The following LYPD6B variants were observed in gnomAD, a reference collection of about 807,000 sequenced individuals.
The protein encoded by LYPD6B is ly6/PLAUR domain-containing protein 6B.
In LYPD6B, 17 loss-of-function variants were observed where a neutral mutation model predicts 22.8. The ratio of observed to expected loss-of-function variants is 0.75; its 90% CI spans 0.51 to 1.12. LYPD6B has a LOEUF of 1.12. LYPD6B is among the 50% of genes most tolerant of loss of function. The pLI, the probability that LYPD6B is intolerant of heterozygous loss-of-function variation, is 0.00. For missense variants in LYPD6B, 221 were observed against 258.3 expected, an observed-to-expected ratio of 0.86 and a Z score of 0.99; for synonymous variants, 106 against 91.6, an observed-to-expected ratio of 1.16 and a Z score of -0.90.
intron 1 of LYPD6B, among the ~76,000 whole-genome samples, chr2:149,120,464 G>A (rs1210843552): frequency 7.3e-6 from 1 of 137,158 alleles, no homozygotes; most frequent in African/African-American, 2.7e-5. Context: ...CTCACTGCAA[G>A]CTTCGCCTCC....
chr2:149,061,725 C>T (rs1394280605), intron 1 of LYPD6B, among the ~76,000 whole-genome samples: 2 of 152,136 alleles, frequency 1.3e-5, no homozygotes, highest in African/African-American at 2.4e-5. Flanking sequence ...GTATGACAAA[C>T]ATATCCATTC....
intron 1 of LYPD6B, among the ~76,000 whole-genome samples, chr2:149,087,109 C>T (rs918462239): frequency 9.2e-5 from 14 of 152,086 alleles, no homozygotes; most frequent in African/African-American, 2.9e-4. Context: ...ACAATCAGCT[C>T]ATAACAGGAG....
chr2:149,080,056 T>C (rs1685056016), intron 1 of LYPD6B, among the ~76,000 whole-genome samples: 1 of 152,156 alleles, frequency 6.6e-6, no homozygotes, highest in Non-Finnish European at 1.5e-5. Flanking sequence ...TTGTTAAGAG[T>C]TGCCATAACA....
intron 1 of LYPD6B, among the ~76,000 whole-genome samples, chr2:149,070,497 G>A (rs1388012130): frequency 6.6e-6 from 1 of 152,030 alleles, no homozygotes; most frequent in Non-Finnish European, 1.5e-5. Flanking sequence ...CTAAGACTAT[G>A]GTAATTGTAT....
intron 1 of LYPD6B, among the ~76,000 whole-genome samples, chr2:149,092,111 G>A (rs1406943689): frequency 2.0e-5 from 3 of 152,008 alleles, no homozygotes; most frequent in Non-Finnish European, 4.4e-5. Context: ...GAGGAGTAGA[G>A]GTCTTAATAT....
chr2:149,173,002 TTA>T (rs1318978517), intron 3 of LYPD6B, among the ~76,000 whole-genome samples: 2 of 151,494 alleles, frequency 1.3e-5, no homozygotes, highest in African/African-American at 4.9e-5. Flanking sequence ...ATATATGCGC[TTA>T]TATATATGTG....
Position 149,130,936 on chromosome 2 carries a change from G to T in LYPD6B, c.-13G>T. On this transcript the variant is annotated 5_prime_UTR_variant, in exon 2 of 7. Coordinates refer to ENST00000409642, the MANE Select transcript of LYPD6B (RefSeq NM_177964.5). ...AACCCTCCTGGACTAGGCTGCTCTT[G>T]TTAATCACATGGATGTTGTGAGTAT... 1 of 1,602,874 alleles carries T rather than the reference G, an allele frequency of 6.2e-7. No homozygotes were observed. Among genetic ancestry groups the T allele is most frequent in the Non-Finnish European group, 8.5e-7 (1 of 1,169,902 alleles).
chr2:149,191,716 C>G (rs1447122760), intron 3 of LYPD6B, among the ~76,000 whole-genome samples: 1 of 152,040 alleles, frequency 6.6e-6, no homozygotes. Context: ...AGGGAGAGGC[C>G]TGGTGATTTA....
chr2:149,168,142 G>A (rs558175604), intron 3 of LYPD6B, among the ~76,000 whole-genome samples: 224 of 149,142 alleles, frequency 1.5e-3, no homozygotes, highest in Non-Finnish European at 2.4e-3. Context: ...CGGGGGAGGC[G>A]GAGTTTGCAG....
intron 1 of LYPD6B, among the ~76,000 whole-genome samples, chr2:149,102,785 A>G (rs1475307733): frequency 6.6e-6 from 1 of 152,228 alleles, no homozygotes; most frequent in Non-Finnish European, 1.5e-5. Context: ...GCCCGCCACC[A>G]TACCTGGCTT....
intron 3 of LYPD6B, among the ~76,000 whole-genome samples, chr2:149,193,383 T>C (rs1427617221): frequency 6.6e-6 from 1 of 152,176 alleles, no homozygotes; most frequent in Non-Finnish European, 1.5e-5. Context: ...AAGAACACTT[T>C]CTCTAGGAGT....
chr2:149,204,485 A>G, intron 3 of LYPD6B: 2 of 154,514 alleles, frequency 1.3e-5, no homozygotes, highest in Middle Eastern at 1.0e-3. Context: ...CCTGTCTGTC[A>G]TTTTGTTGGG....
At chr2:149,135,917 G>GGCTGGGAGTGGTACTC (rs1284047285) in intron 2 of LYPD6B, among the ~76,000 whole-genome samples, 1 of 152,038 alleles carries the variant, frequency 6.6e-6, no homozygotes, top group African/African-American at 2.4e-5. Flanking sequence ...CCCCATGCCA[G>GGCTGGGAGTGGTACTC]GCTGGGAGTG....
At chr2:149,179,230 T>A (rs1463249387) in intron 3 of LYPD6B, among the ~76,000 whole-genome samples, 1 of 152,204 alleles carries the variant, frequency 6.6e-6, no homozygotes, top group Non-Finnish European at 1.5e-5. Flanking sequence ...CCTGGCATAA[T>A]GATGAGTCTT....
intron 3 of LYPD6B, among the ~76,000 whole-genome samples, chr2:149,161,981 G>A (rs146225102): frequency 1.4e-3 from 206 of 152,290 alleles, no homozygotes; most frequent in Admixed American, 2.6e-3. Flanking sequence ...GGCATATTGG[G>A]TGGAATGTGA....
chr2:149,184,878 A>G (rs1219091910), intron 3 of LYPD6B, among the ~76,000 whole-genome samples: 1 of 152,208 alleles, frequency 6.6e-6, no homozygotes, highest in African/African-American at 2.4e-5. Flanking sequence ...TAAATGTAGT[A>G]CGCGATAGGC....
At chr2:149,078,497 C>T (rs1339226832) in intron 1 of LYPD6B, among the ~76,000 whole-genome samples, 2 of 152,126 alleles carry the variant, frequency 1.3e-5, no homozygotes, top group Non-Finnish European at 2.9e-5. Flanking sequence ...AACTTTGTCT[C>T]CTTCCATGGT....
At chr2:149,209,426 G>A in intron 5 of LYPD6B, among the ~76,000 whole-genome samples, 1 of 152,126 alleles carries the variant, frequency 6.6e-6, no homozygotes, top group Non-Finnish European at 1.5e-5. Context: ...GCTGATGGAT[G>A]AATTGAAATG....
chr2:149,115,366 G>A lies in LYPD6B; in HGVS notation c.-66-15517G>A, dbSNP rs564312316. Among the ~76,000 whole-genome samples, 13 of 152,278 alleles carry A rather than the reference G, an allele frequency of 8.5e-5. No individual in the cohort carries two copies. In the East Asian group the frequency reaches 2.1e-3, roughly 25 times the overall value. On this transcript the variant is annotated intron_variant, in intron 1 of 6. Transcript: ENST00000409642. ...TCTACCTTATTGGAATGTTTTCATG[G>A]TCAAATGGATAATTAGATGTCAGAT...
Sources: allele counts gnomAD v4.1 joint callset (sites outside exome capture counted in the v4.1 genomes callset), GRCh38; gene constraint gnomAD v4.1.1; transcripts MANE v1.5; gene names NCBI Gene and HGNC (gene_info 2026-07-23, HGNC 2026-07-21).